Variants in ICA1L observed in about 807,000 individuals in gnomAD.
The protein encoded by ICA1L is islet cell autoantigen 1 like, also known as islet cell autoantigen 1-like protein.
A neutral mutation model predicts 61.3 loss-of-function variants in ICA1L; 50 were observed. The observed-to-expected ratio is 0.82, with a 90% CI of 0.65 to 1.03. The LOEUF is 1.03. Among genes scored for constraint, ICA1L ranks in the 50% least tolerant of loss-of-function variants. The pLI is 0.00. For synonymous variants in ICA1L, 161 were observed against 191.3 expected, an observed-to-expected ratio of 0.84 and a Z score of 1.31; for missense variants, 508 against 556.7, an observed-to-expected ratio of 0.91 and a Z score of 0.88.
Position 202,850,063 on chromosome 2 carries a change from A to C in ICA1L, c.-7-21047T>G, listed in dbSNP as rs533992554. 5.9e-5 allele frequency among the ~76,000 whole-genome samples: 9 copies of C among 152,346 alleles called. No individual in the cohort carries two copies. In the South Asian group the frequency reaches 1.7e-3, roughly 28 times the overall value. ...CAGACCTGCAGAAGAGGGGCCTGTT[A>C]GAAGAAAACCTAACAAACAGAAAGC... On this transcript the variant is annotated intron_variant, in intron 1 of 12. Transcript: ENST00000358299.
At chr2:202,782,093 C>A (rs1422776820) in intron 12 of ICA1L, among the ~76,000 whole-genome samples, 1 of 151,980 alleles carries the variant, frequency 6.6e-6, no homozygotes, top group Non-Finnish European at 1.5e-5. Context: ...TGCCTGTAAT[C>A]CCAGCACTTT....
intron 1 of ICA1L, among the ~76,000 whole-genome samples, chr2:202,851,077 T>G (rs922842690): frequency 2.6e-5 from 4 of 151,950 alleles, no homozygotes; most frequent in Non-Finnish European, 5.9e-5. Context: ...TTGTTACATA[T>G]GTATACATGT....
Position 202,773,987 on chromosome 2 carries a change from TAAG to T in ICA1L, c.*5543_*5545del. Reference sequence around the variant, plus strand: ...CTGTGTTTTAAAAGGTATATGGTACTAAGAAGAGTTGGCTGTTTTATTTTTTTA... The same window carrying T: ...CTGTGTTTTAAAAGGTATATGGTACTAAGAGTTGGCTGTTTTATTTTTTTA... On this transcript the variant is annotated 3_prime_UTR_variant, in exon 13 of 13. Transcript: ENST00000358299. 4 of 917,808 alleles carry T rather than the reference TAAG, an allele frequency of 4.4e-6. No homozygotes were observed. The highest frequency in any genetic ancestry group is 3.3e-5 in the South Asian group (2 of 59,804). The allele number at this position is 917,808 out of a possible 1,614,324, so 56.9% of individuals were successfully genotyped here.
At chr2:202,791,871 C>T (rs764543752) in intron 10 of ICA1L, among the ~76,000 whole-genome samples, 6 of 150,874 alleles carry the variant, frequency 4.0e-5, no homozygotes, top group Non-Finnish European at 8.9e-5. Context: ...ACTAGAATAA[C>T]TGTTACTTAA....
intron 1 of ICA1L, among the ~76,000 whole-genome samples, chr2:202,867,735 C>G (rs941081272): frequency 6.6e-6 from 1 of 152,110 alleles, no homozygotes; most frequent in African/African-American, 2.4e-5. Context: ...AAAGTGCTGG[C>G]AACAATGAGG....
At chr2:202,837,197 G>A (rs964069364) in intron 1 of ICA1L, among the ~76,000 whole-genome samples, 2 of 151,726 alleles carry the variant, frequency 1.3e-5, no homozygotes, top group Non-Finnish European at 2.9e-5. Flanking sequence ...GGTATCAGCT[G>A]TAATGTCTCC....
intron 1 of ICA1L, chr2:202,841,860 ATTTTT>A: frequency 9.2e-6 from 2 of 217,902 alleles, no homozygotes; most frequent in Non-Finnish European, 9.1e-6. Context: ...TTCTTGGTCT[ATTTTT>A]TTTTTTTTTT....
intron 12 of ICA1L, among the ~76,000 whole-genome samples, chr2:202,780,326 T>C (rs1692363604): frequency 6.6e-6 from 1 of 152,258 alleles, no homozygotes; most frequent in African/African-American, 2.4e-5. Flanking sequence ...AACTTTTTGA[T>C]GTGCGCATTT....
chr2:202,855,669 A>G (rs1301417205), intron 1 of ICA1L, among the ~76,000 whole-genome samples: 1 of 152,170 alleles, frequency 6.6e-6, no homozygotes, highest in African/African-American at 2.4e-5. Flanking sequence ...TGAGGCAGTA[A>G]TTAATAGCCT....
chr2:202,840,076 T>TA (rs1694282212), intron 1 of ICA1L, among the ~76,000 whole-genome samples: 2 of 148,806 alleles, frequency 1.3e-5, no homozygotes, highest in South Asian at 4.2e-4. Context: ...ATTTTTAATT[T>TA]TTTTTTTTTT....
chr2:202,819,766 A>G lies in ICA1L; in HGVS notation c.493T>C (p.Trp165Arg), dbSNP rs764132587. ...ARTEYRGALL[W>R]MKDVSQELDP... is the part of the protein sequence containing the mutation. Reference sequence around the variant, plus strand: ...AGCTCTTGGGATACATCTTTCATCCACAGTAGAGCTCCTCTGTATTCTGTG... The same window carrying G: ...AGCTCTTGGGATACATCTTTCATCCGCAGTAGAGCTCCTCTGTATTCTGTG... The change falls in exon 5 of 13, where the codon TGG (tryptophan) becomes CGG (arginine). Residue 165 changes from tryptophan to arginine, a missense_variant. By Grantham distance (101) the Trp-to-Arg change is moderately radical (BLOSUM62 -3). Transcript: ENST00000358299. The G allele has an allele frequency of 1.2e-5, 20 of 1,614,014 alleles. No homozygotes were observed. The highest frequency in any genetic ancestry group is 1.5e-5 in the Non-Finnish European group (18 of 1,179,990).
rs115270696 is a variant in ICA1L at position 202,836,398 on chromosome 2, T to C, written c.-7-7382A>G. Reference sequence around the variant, plus strand: ...GGTGAATGACCCTTCTAATGTGCTGTTGAATTTGGTTTGCTAGTATTTTCT... The same window carrying C: ...GGTGAATGACCCTTCTAATGTGCTGCTGAATTTGGTTTGCTAGTATTTTCT... On this transcript the variant is annotated intron_variant, in intron 1 of 12. Coordinates refer to ENST00000358299, the MANE Select transcript of ICA1L (RefSeq NM_001288622.3). 5.3e-3 allele frequency among the ~76,000 whole-genome samples: 807 copies of C among 152,294 alleles called. 3 individuals carry two copies. The highest frequency in any genetic ancestry group is 0.017 in the Middle Eastern group (5 of 294).
chr2:202,855,356 C>T (rs745931484), intron 1 of ICA1L, among the ~76,000 whole-genome samples: 1 of 152,002 alleles, frequency 6.6e-6, no homozygotes, highest in Non-Finnish European at 1.5e-5. Flanking sequence ...TCAACGAATC[C>T]AGGAGCTGGT....
At chr2:202,852,657 G>A (rs1338894371) in intron 1 of ICA1L, among the ~76,000 whole-genome samples, 3 of 131,620 alleles carry the variant, frequency 2.3e-5, no homozygotes, top group Non-Finnish European at 4.7e-5. Context: ...GGGTGACAGA[G>A]CGAGACTCTG....
chr2:202,839,228 C>T (rs898137791), intron 1 of ICA1L, among the ~76,000 whole-genome samples: 11 of 151,924 alleles, frequency 7.2e-5, no homozygotes, highest in Admixed American at 5.3e-4. Context: ...TGGCTGGGCG[C>T]GGTGGCTCAA....
intron 1 of ICA1L, among the ~76,000 whole-genome samples, chr2:202,867,713 A>G (rs1687561291): frequency 1.3e-5 from 2 of 152,182 alleles, no homozygotes; most frequent in Non-Finnish European, 1.5e-5. Flanking sequence ...CTAACAACCA[A>G]TCTGTCAATT....
chr2:202,839,498 CAAAAAAAAAAA>C (rs59202140), intron 1 of ICA1L, among the ~76,000 whole-genome samples: 1 of 25,408 alleles, frequency 3.9e-5, no homozygotes, highest in Non-Finnish European at 6.7e-5. Flanking sequence ...GACTCCGTCT[CAAAAAAAAAAA>C]AAAAAAAAAA....
At chr2:202,856,969 A>G (rs578078671) in intron 1 of ICA1L, among the ~76,000 whole-genome samples, 1 of 152,236 alleles carries the variant, frequency 6.6e-6, no homozygotes, top group Non-Finnish European at 1.5e-5. Context: ...CCACTGCTCA[A>G]GGAAATAAGA....
At chr2:202,801,105 G>A (rs1227494268) in intron 9 of ICA1L, among the ~76,000 whole-genome samples, 2 of 152,194 alleles carry the variant, frequency 1.3e-5, no homozygotes, top group South Asian at 2.1e-4. Flanking sequence ...CCTGGTTGTG[G>A]GGAAGGGAAC....
Sources: allele counts gnomAD v4.1 joint callset (sites outside exome capture counted in the v4.1 genomes callset), GRCh38; gene constraint gnomAD v4.1.1; transcripts MANE v1.5; gene names NCBI Gene and HGNC (gene_info 2026-07-23, HGNC 2026-07-21).